CALN1: variants seen among roughly 807,000 people sequenced by gnomAD.
CALN1 encodes the protein calcium-binding protein 8.
CALN1 carries 17 observed loss-of-function variants against 30.6 expected under a neutral mutation model. The ratio of observed to expected loss-of-function variants is 0.56; its 90% confidence interval spans 0.38 to 0.83. The LOEUF (loss-of-function observed/expected upper bound fraction) is 0.83, where lower values mean the gene tolerates loss of function less well. Among genes scored for constraint, CALN1 ranks in the 40% least tolerant of loss-of-function variants. CALN1 has a pLI of 0.00. For missense variants in CALN1, 291 were observed against 354.9 expected, an observed-to-expected ratio of 0.82 and a Z score of 1.45; for synonymous variants, 156 against 131.4, an observed-to-expected ratio of 1.19 and a Z score of -1.28.
At chr7:71,861,193 G>A (rs189050072) in intron 5 of CALN1, among the ~76,000 whole-genome samples, 29 of 151,766 alleles carry the variant, frequency 1.9e-4, no homozygotes, top group African/African-American at 5.3e-4. Context: ...GTGTGTGTGC[G>A]TGTGTGTGTG....
intron 3 of CALN1, among the ~76,000 whole-genome samples, chr7:72,267,804 T>A (rs1181173802): frequency 6.6e-6 from 1 of 152,168 alleles, no homozygotes; most frequent in Non-Finnish European, 1.5e-5. Context: ...GCCAGGAGTT[T>A]GAGATCAGCC....
chr7:72,079,959 TG>T lies in CALN1; in HGVS notation c.388+26191del, dbSNP rs533478211. On this transcript the variant is annotated intron_variant, in intron 4 of 6. Transcript: ENST00000395275. ...CTAATTTTTGTATTTTTAGTAGAGA[TG>T]GGGTTTTGCCATGTTGGCCAGGCTG... 1.2e-3 allele frequency among the ~76,000 whole-genome samples: 177 copies of T among 151,936 alleles called. 1 individual carries two copies. The highest frequency in any genetic ancestry group is 4.0e-3 in the African/African-American group (167 of 41,448).
At chr7:72,449,745 G>A (rs1318466054), upstream of CALN1, among the ~76,000 whole-genome samples, 5 of 151,654 alleles carry the variant, frequency 3.3e-5, no homozygotes, top group South Asian at 2.1e-4. Context: ...CATGGTGGCG[G>A]GCGCCTGTAG....
chr7:72,397,748 A>ACACACACACACACACC (rs1316537371), intron 2 of CALN1, among the ~76,000 whole-genome samples: 1 of 149,088 alleles, frequency 6.7e-6, no homozygotes, highest in East Asian at 2.0e-4. Flanking sequence ...ACACACACAC[A>ACACACACACACACACC]CACCTTGCTC....
At chr7:72,220,886 GGTT>G (rs1468590824) in intron 3 of CALN1, among the ~76,000 whole-genome samples, 2 of 152,014 alleles carry the variant, frequency 1.3e-5, no homozygotes, top group Admixed American at 1.3e-4. Flanking sequence ...TTTTTGATGG[GGTT>G]GTTTGTTTTT....
chr7:72,151,256 G>A (rs1013497347), intron 3 of CALN1, among the ~76,000 whole-genome samples: 2 of 152,204 alleles, frequency 1.3e-5, no homozygotes, highest in African/African-American at 4.8e-5. Context: ...CCCTCTGCTC[G>A]CTTCTTGGAG....
chr7:72,032,518 T>C (rs1800230876), intron 4 of CALN1, among the ~76,000 whole-genome samples: 1 of 152,178 alleles, frequency 6.6e-6, no homozygotes, highest in Non-Finnish European at 1.5e-5. Flanking sequence ...CCCCGTATTG[T>C]ACTGCCTTCC....
At chr7:71,803,940 ATGTGTGTGCGTGTGTGTGTGTGTG>A (rs1787453237) in intron 6 of CALN1, among the ~76,000 whole-genome samples, 2 of 64,170 alleles carry the variant, frequency 3.1e-5, no homozygotes, top group African/African-American at 1.3e-4. Flanking sequence ...GTATTTGTGT[ATGTGTGTGCGTGTGTGTGTGTGTG>A]TGTGTGTGCG....
chr7:72,055,798 G>A (rs903155981), intron 4 of CALN1, among the ~76,000 whole-genome samples: 4 of 152,094 alleles, frequency 2.6e-5, no homozygotes, highest in African/African-American at 9.7e-5. Flanking sequence ...GATTGCTTGA[G>A]GCTAGAAGTT....
chr7:72,014,718 G>A (rs1010844569), intron 5 of CALN1, among the ~76,000 whole-genome samples: 1 of 152,122 alleles, frequency 6.6e-6, no homozygotes, highest in East Asian at 1.9e-4. Context: ...CTGGAGTGCA[G>A]TGGCATGATC....
At chr7:72,445,626 C>T (rs573475108) in intron 1 of CALN1, among the ~76,000 whole-genome samples, 9 of 152,282 alleles carry the variant, frequency 5.9e-5, no homozygotes, top group Admixed American at 5.9e-4. Context: ...TCAAGCGCTT[C>T]ACTCATAAGT....
At chr7:72,437,855 CCTT>C (rs1353464573) in intron 1 of CALN1, among the ~76,000 whole-genome samples, 2 of 144,938 alleles carry the variant, frequency 1.4e-5, no homozygotes, top group Admixed American at 1.4e-4. Context: ...TCCCTTCCTT[CCTT>C]CTTTCTTTTC....
chr7:72,469,520 C>G, the CALN1 span, among the ~76,000 whole-genome samples: 1,627 of 152,296 alleles, frequency 0.011, 28 homozygotes, highest in African/African-American at 0.037. Context: ...CCTCAGCCTC[C>G]TGAGTACCTA....
intron 3 of CALN1, among the ~76,000 whole-genome samples, chr7:72,232,781 T>C (rs1794202215): frequency 6.6e-6 from 1 of 152,266 alleles, no homozygotes; most frequent in East Asian, 1.9e-4. Context: ...TTTTAAAGAA[T>C]AGTTAATGGT....
chr7:71,844,050 C>G (rs1224151846), intron 5 of CALN1, among the ~76,000 whole-genome samples: 1 of 151,822 alleles, frequency 6.6e-6, no homozygotes, highest in Admixed American at 6.6e-5. Flanking sequence ...AGAGATGGAC[C>G]CTGGAGTTGG....
intron 3 of CALN1, among the ~76,000 whole-genome samples, chr7:72,274,089 A>C (rs779592554): frequency 6.6e-6 from 1 of 152,170 alleles, no homozygotes; most frequent in Admixed American, 6.5e-5. Flanking sequence ...AACTGAAAAC[A>C]ACCCAAATAT....
At chr7:72,419,102 G>A (rs1213947345) in intron 1 of CALN1, among the ~76,000 whole-genome samples, 1 of 152,134 alleles carries the variant, frequency 6.6e-6, no homozygotes, top group African/African-American at 2.4e-5. Context: ...CCAAGAAGAT[G>A]GATGCCCATC....
chr7:71,977,686 C>T (rs1211236062), intron 5 of CALN1, among the ~76,000 whole-genome samples: 1 of 152,060 alleles, frequency 6.6e-6, no homozygotes, highest in Non-Finnish European at 1.5e-5. Context: ...AATCCCAGCA[C>T]TTTGAGAGAC....
At chr7:71,876,755 C>G (rs1427893050) in intron 5 of CALN1, among the ~76,000 whole-genome samples, 1 of 152,120 alleles carries the variant, frequency 6.6e-6, no homozygotes, top group Non-Finnish European at 1.5e-5. Flanking sequence ...ATTTTTCTTA[C>G]CCAAAGTTGC....
Sources: gnomAD v4.1 joint callset for allele counts (sites outside exome capture counted in the v4.1 genomes callset) on GRCh38, gnomAD v4.1.1 for gene constraint, MANE v1.5 for transcripts, NCBI Gene and HGNC (gene_info 2026-07-23, HGNC 2026-07-21) for gene names.